The following TMEM255B variants were observed in gnomAD, a reference collection of about 807,000 sequenced individuals.
TMEM255B encodes the protein transmembrane protein 255B, also known as family with sequence similarity 70, member B.
A neutral mutation model predicts 34.5 loss-of-function variants in TMEM255B; 35 were observed. The observed-to-expected ratio is 1.01, with a 90% CI of 0.77 to 1.34. TMEM255B has a LOEUF of 1.34. TMEM255B is among the 40% of genes most tolerant of loss of function. The pLI is 0.00. For synonymous variants in TMEM255B, 206 were observed against 201.2 expected (o/e 1.02, Z -0.20); for missense variants, 432 against 433.2 (o/e 1.00, Z 0.02).
chr13:113,796,026 C>T, intron 4 of TMEM255B, among the ~76,000 whole-genome samples: 1 of 138,542 alleles, frequency 7.2e-6, no homozygotes, highest in African/African-American at 2.7e-5. Context: ...ACAGCACACA[C>T]ACCATAACAG....
In TMEM255B at chr13:113,812,982, T is replaced by TGGGTCACGGGTCCCGGGTGGGTCACGGGC. The variant is rs1566342299; in HGVS notation, c.*1079_*1080insGGGTCACGGGTCCCGGGTGGGTCACGGGC. On this transcript the variant is annotated 3_prime_UTR_variant, in exon 9 of 9. Transcript: ENST00000375353. ...TCACGGGCCCCGGGTGGGTCACGGG[T>TGGGTCACGGGTCCCGGGTGGGTCACGGGC]CCCGGGTGGGTCACGGGTCCCGAGT... 1.8e-5 allele frequency: 2 copies of TGGGTCACGGGTCCCGGGTGGGTCACGGGC among 110,698 alleles called. No individual in the cohort carries two copies. Among genetic ancestry groups the TGGGTCACGGGTCCCGGGTGGGTCACGGGC allele is most frequent in the Admixed American group, 1.8e-4 (2 of 11,384 alleles). The allele number at this position is 110,698 out of a possible 1,614,324, so 6.9% of individuals were successfully genotyped here.
At chr13:113,808,167 A>G (rs1377815058) in intron 8 of TMEM255B, among the ~76,000 whole-genome samples, 7 of 152,018 alleles carry the variant, frequency 4.6e-5, no homozygotes. Flanking sequence ...TGTTCCATGG[A>G]AGTCGTTAGC....
chr13:113,793,882 C>G (rs1026058329), intron 3 of TMEM255B, among the ~76,000 whole-genome samples: 7 of 152,198 alleles, frequency 4.6e-5, no homozygotes, highest in Non-Finnish European at 7.3e-5. Flanking sequence ...GAGGGGCAGG[C>G]GGCCACCACT....
intron 2 of TMEM255B, among the ~76,000 whole-genome samples, chr13:113,766,725 T>G (rs1188657961): frequency 1.3e-5 from 2 of 152,184 alleles, no homozygotes; most frequent in African/African-American, 4.8e-5. Flanking sequence ...AAAGTAACTT[T>G]AAACGATTCC....
chr13:113,760,060 A>C (rs1005685604), intron 1 of TMEM255B, among the ~76,000 whole-genome samples: 8 of 152,102 alleles, frequency 5.3e-5, no homozygotes, highest in Non-Finnish European at 1.2e-4. Context: ...AGAACAAAAG[A>C]GAAACAGAGT....
At chr13:113,801,405 G>A (rs1375871394) in intron 6 of TMEM255B, among the ~76,000 whole-genome samples, 1 of 152,194 alleles carries the variant, frequency 6.6e-6, no homozygotes, top group Non-Finnish European at 1.5e-5. Context: ...CCATCGAGGC[G>A]GAGGGGCGGG....
At chr13:113,808,108 A>G (rs560137886) in intron 8 of TMEM255B, among the ~76,000 whole-genome samples, 392 of 152,278 alleles carry the variant, frequency 2.6e-3, no homozygotes, top group Non-Finnish European at 4.9e-3. Context: ...CAGAAGAACA[A>G]TGGAGGAGGG....
chr13:113,764,843 A>G (rs1030267872), intron 1 of TMEM255B, among the ~76,000 whole-genome samples: 6 of 152,158 alleles, frequency 3.9e-5, no homozygotes, highest in Admixed American at 3.9e-4. Context: ...AGCAGGTACA[A>G]AGGCCCTGTG....
At chr13:113,808,006 T>C (rs1236013785) in intron 8 of TMEM255B, among the ~76,000 whole-genome samples, 1 of 152,170 alleles carries the variant, frequency 6.6e-6, no homozygotes, top group Admixed American at 6.5e-5. Context: ...CAGCCAGCCT[T>C]TGTGCCAGGC....
chr13:113,783,335 A>G (rs1316512574), intron 3 of TMEM255B, among the ~76,000 whole-genome samples: 3 of 152,162 alleles, frequency 2.0e-5, no homozygotes, highest in African/African-American at 2.4e-5. Flanking sequence ...CTGGATCTCT[A>G]CGGGGCCTGC....
intron 4 of TMEM255B, 36 bp downstream of exon 4, chr13:113,795,273 C>CG (rs1293427482): frequency 1.3e-6 from 2 of 1,592,666 alleles, no homozygotes; most frequent in Non-Finnish European, 1.7e-6. Flanking sequence ...AGTCGCTTTC[C>CG]GGGGCTGAAA....
chr13:113,811,604 G>T, intron 8 of TMEM255B, 132 bp from the exon 9 acceptor site: 1 of 942,724 alleles, frequency 1.1e-6, no homozygotes, highest in Middle Eastern at 3.3e-4. Flanking sequence ...ATGGCCCTGA[G>T]TCTGCGGGTG....
intron 1 of TMEM255B, among the ~76,000 whole-genome samples, chr13:113,764,727 A>G (rs6422414): frequency 0.74 from 113,372 of 152,256 alleles, 42,526 homozygotes; most frequent in South Asian, 0.83. Context: ...GTGAAGGGGC[A>G]ACTGTGGAGA....
intron 2 of TMEM255B, chr13:113,768,137 C>T: frequency 4.3e-6 from 2 of 459,842 alleles, no homozygotes; most frequent in South Asian, 1.6e-5. Context: ...CCGGGCGGGC[C>T]ACCCCTTCCA....
chr13:113,792,904 G>A (rs977735368), intron 3 of TMEM255B, among the ~76,000 whole-genome samples: 1 of 152,242 alleles, frequency 6.6e-6, no homozygotes, highest in Non-Finnish European at 1.5e-5. Context: ...GGGCGGGGAG[G>A]TGCCTGTTTT....
intron 3 of TMEM255B, among the ~76,000 whole-genome samples, chr13:113,781,423 C>G (rs967015678): frequency 6.6e-6 from 1 of 152,224 alleles, no homozygotes; most frequent in Non-Finnish European, 1.5e-5. Context: ...TCCCGTGCCT[C>G]CTTATAATCT....
At chr13:113,803,487 G>T (rs1366266308) in intron 7 of TMEM255B, among the ~76,000 whole-genome samples, 1 of 148,312 alleles carries the variant, frequency 6.7e-6, no homozygotes, top group Non-Finnish European at 1.5e-5. Context: ...CGGCAAGGGC[G>T]GGCGGCTGAG....
intron 8 of TMEM255B, among the ~76,000 whole-genome samples, chr13:113,807,968 T>G (rs186089892): frequency 2.4e-4 from 36 of 152,234 alleles, no homozygotes; most frequent in African/African-American, 8.7e-4. Context: ...CCTCTTCCTC[T>G]GGGGAGGCCT....
At position 113,772,672 on chromosome 13, in the gene TMEM255B, C is replaced by T. The variant is rs533056882; in HGVS notation, c.252+3512C>T. Among the ~76,000 whole-genome samples, 262 of 152,328 alleles carry T rather than the reference C, an allele frequency of 1.7e-3. 1 individual carries two copies. Among genetic ancestry groups the T allele is most frequent in the Non-Finnish European group, 1.5e-3 (104 of 68,028 alleles). On this transcript the variant is annotated intron_variant, in intron 3 of 8. Coordinates refer to ENST00000375353, the MANE Select transcript of TMEM255B (RefSeq NM_182614.4). ...CATTTGCTGAAAAGACTGTTCTTTT[C>T]TCATTGAATGGTCTTGGCACCCTTG...
Sources: gnomAD v4.1 joint callset for allele counts (sites outside exome capture counted in the v4.1 genomes callset) on GRCh38, gnomAD v4.1.1 for gene constraint, MANE v1.5 for transcripts, NCBI Gene and HGNC (gene_info 2026-07-23, HGNC 2026-07-21) for gene names.